Variants in VPS26C observed in about 807,000 individuals in gnomAD.
VPS26C encodes VPS26 endosomal protein sorting factor C, also known as vacuolar protein sorting-associated protein 26C.
VPS26C carries 19 observed loss-of-function variants against 30.6 expected under a neutral mutation model. That is an observed-to-expected ratio of 0.62 (90% CI 0.43 to 0.91). The LOEUF is 0.91. Among genes scored for constraint, VPS26C ranks in the 40% least tolerant of loss-of-function variants. VPS26C has a pLI of 0.00. For synonymous variants in VPS26C, 132 were observed against 151.5 expected (o/e 0.87, Z 0.95); for missense variants, 318 against 385.1 (o/e 0.83, Z 1.46).
At chr21:37,225,669 A>T (rs1396423259) in intron 7 of VPS26C, 43 bp from the exon 8 acceptor site, 6 of 1,546,508 alleles carry the variant, frequency 3.9e-6, no homozygotes, top group Non-Finnish European at 5.4e-6. Flanking sequence ...ACTGTTACCA[A>T]GCAGCGAAAC....
At chr21:37,252,706 A>C (rs2086205744) in intron 1 of VPS26C, among the ~76,000 whole-genome samples, 1 of 152,350 alleles carries the variant, frequency 6.6e-6, no homozygotes, top group South Asian at 2.1e-4. Context: ...AGATGAACAA[A>C]CTGTGATACA....
intron 3 of VPS26C, among the ~76,000 whole-genome samples, chr21:37,234,906 G>A (rs528150549): frequency 6.6e-6 from 1 of 152,068 alleles, no homozygotes; most frequent in East Asian, 1.9e-4. Context: ...GCGGTGGCGT[G>A]ATCTCGGTTC....
intron 2 of VPS26C, 81 bp downstream of exon 2, chr21:37,240,415 G>A: frequency 6.6e-7 from 1 of 1,517,994 alleles, no homozygotes; most frequent in Non-Finnish European, 9.0e-7. Flanking sequence ...CTGAGCCACT[G>A]CGCCTGGCCC....
At position 37,233,217 on chromosome 21, in the gene VPS26C, T is replaced by C. The variant is rs73220515; in HGVS notation, c.432+145A>G. ...CACACGTGATGCGCATGCCACCGACTGTCTCTGACCCAGAAGTCTTGTGTC... is the reference window on the plus strand; with the variant it reads ...CACACGTGATGCGCATGCCACCGACCGTCTCTGACCCAGAAGTCTTGTGTC... On this transcript the variant is annotated intron_variant, in intron 4 of 7. Coordinates refer to ENST00000309117, the MANE Select transcript of VPS26C (RefSeq NM_006052.2). The surrounding 1 kb of genome is among the most constrained non-coding windows in gnomAD (Gnocchi z 5.2). 6.6e-3 allele frequency: 4,544 copies of C among 689,806 alleles called. 21 individuals carry two copies. The highest frequency in any genetic ancestry group is 0.015 in the Middle Eastern group (52 of 3,538). 42.7% of individuals were successfully genotyped at this position (689,806 alleles called of 1,614,324 possible). A position where few individuals can be genotyped will look rare whatever the true frequency, so the allele number is the denominator to read the frequency against.
chr21:37,255,488 G>C (rs1010129185), intron 1 of VPS26C, among the ~76,000 whole-genome samples: 1 of 152,130 alleles, frequency 6.6e-6, no homozygotes, highest in Admixed American at 6.5e-5. Context: ...CCTGCCCAAC[G>C]GATCAGAGCA....
chr21:37,250,263 C>T (rs764060053), intron 1 of VPS26C, among the ~76,000 whole-genome samples: 3 of 151,692 alleles, frequency 2.0e-5, no homozygotes, highest in Non-Finnish European at 4.4e-5. Flanking sequence ...TGAGATCACG[C>T]CACTGCACTC....
At chr21:37,249,934 C>T (rs1036136385) in intron 1 of VPS26C, among the ~76,000 whole-genome samples, 23 of 152,126 alleles carry the variant, frequency 1.5e-4, no homozygotes, top group African/African-American at 5.3e-4. Flanking sequence ...ATAAAGGTAG[C>T]ATTTAAAATC....
chr21:37,235,853 A>G (rs199605796), intron 3 of VPS26C, among the ~76,000 whole-genome samples: 5,211 of 40,502 alleles, frequency 0.13, 231 homozygotes, highest in East Asian at 0.56. Context: ...ATGTGTGTGT[A>G]TATATATATA....
At chr21:37,263,350 TAAC>T (rs1236614556) in intron 1 of VPS26C, among the ~76,000 whole-genome samples, 2 of 152,194 alleles carry the variant, frequency 1.3e-5, no homozygotes, top group Non-Finnish European at 2.9e-5. Context: ...ACGAAATGAA[TAAC>T]AACATTTCTA....
At chr21:37,245,928 C>A (rs1052545205) in intron 1 of VPS26C, among the ~76,000 whole-genome samples, 2 of 151,948 alleles carry the variant, frequency 1.3e-5, no homozygotes, top group African/African-American at 4.8e-5. Flanking sequence ...CAAACCACCA[C>A]AGAAAATAAA....
Position 37,227,759 on chromosome 21 carries a change from G to C in VPS26C, c.706C>G (p.Gln236Glu). The C allele has an allele frequency of 1.2e-6, 2 of 1,614,090 alleles. No individual in the cohort carries two copies. The highest frequency in any genetic ancestry group is 1.1e-5 in the South Asian group (1 of 91,092). Residue 236 changes from glutamine to glutamate, a missense_variant, in exon 7 of 8, where the codon CAG becomes GAG. Physicochemically the swap from Gln to Glu is conservative, Grantham distance 29 (BLOSUM62 2). Coordinates refer to ENST00000309117, the MANE Select transcript of VPS26C (RefSeq NM_006052.2). ...CTGCACACATCCCCGTCGGCGATCT[G>C]AATGTTCTGAATCTCCGTGGCGTCG... ...ARDATEIQNI[Q>E]IADGDVCRGL...
chr21:37,265,216 G>T (rs1314727207), intron 1 of VPS26C, among the ~76,000 whole-genome samples: 2 of 152,148 alleles, frequency 1.3e-5, no homozygotes, highest in Non-Finnish European at 2.9e-5. Flanking sequence ...GGTGATGGGT[G>T]TGCAACTCTG....
chr21:37,228,580 A>G, intron 5 of VPS26C: 1 of 540,788 alleles, frequency 1.8e-6, no homozygotes, highest in East Asian at 3.3e-5. Flanking sequence ...TACATATGGC[A>G]CCTGACTGAC....
At chr21:37,248,755 A>G (rs996124025) in intron 1 of VPS26C, among the ~76,000 whole-genome samples, 1 of 151,616 alleles carries the variant, frequency 6.6e-6, no homozygotes, top group Non-Finnish European at 1.5e-5. Context: ...CAGCAAAATA[A>G]GACAAAAGTC....
rs1213236371 is a variant in VPS26C at position 37,257,535 on chromosome 21, A to AGTG, written c.57+9702_57+9703insCAC. Among the ~76,000 whole-genome samples the AGTG allele has an allele frequency of 2.0e-5, 3 of 152,228 alleles. No individual in the cohort carries two copies. The highest frequency in any genetic ancestry group is 7.2e-5 in the African/African-American group (3 of 41,454). ...TGGGGGTGTAGCCACATGCAGTAAAAGCACTGCCTGTCTGTATAACAACGA... is the reference window on the plus strand; with the variant it reads ...TGGGGGTGTAGCCACATGCAGTAAAAGTGGCACTGCCTGTCTGTATAACAACGA... On this transcript the variant is annotated intron_variant, in intron 1 of 7. Coordinates refer to ENST00000309117, the MANE Select transcript of VPS26C (RefSeq NM_006052.2). The surrounding 1 kb of genome is among the most constrained non-coding windows in gnomAD (Gnocchi z 4.2).
At position 37,228,216 on chromosome 21, in the gene VPS26C, C is replaced by T. The variant is rs369524149; in HGVS notation, c.658+7G>A. The T allele has an allele frequency of 1.2e-5, 20 of 1,609,464 alleles. No homozygotes were observed. The highest frequency in any genetic ancestry group is 3.6e-4 in the Middle Eastern group (2 of 5,500). ...GCAAGCGCCAGGCCTGGTGGCACGG[C>T]CCTCACCGCACGTCTCCACGCGCAC... On this transcript the variant is annotated splice_region_variant and intron_variant, in intron 6 of 7. Transcript: ENST00000309117.
intron 1 of VPS26C, among the ~76,000 whole-genome samples, chr21:37,255,804 T>G (rs571994000): frequency 6.7e-6 from 1 of 148,642 alleles, no homozygotes; most frequent in Non-Finnish European, 1.5e-5. Flanking sequence ...GCTTAAATGC[T>G]CCAGTAAATA....
intron 1 of VPS26C, among the ~76,000 whole-genome samples, chr21:37,259,219 C>T (rs917346579): frequency 6.7e-6 from 1 of 149,960 alleles, no homozygotes; most frequent in Non-Finnish European, 1.5e-5. Context: ...AAAAAAAAAA[C>T]AAAAAAACTA....
chr21:37,234,924 C>T (rs759317467), intron 3 of VPS26C, among the ~76,000 whole-genome samples: 1 of 151,542 alleles, frequency 6.6e-6, no homozygotes, highest in Non-Finnish European at 1.5e-5. Context: ...TTCACTGCAA[C>T]CTCCACCTCC....
Sources: allele counts gnomAD v4.1 joint callset (sites outside exome capture counted in the v4.1 genomes callset), GRCh38; gene constraint gnomAD v4.1.1; non-coding constraint Gnocchi (gnomAD v3.1); transcripts MANE v1.5; gene names NCBI Gene and HGNC (gene_info 2026-07-23, HGNC 2026-07-21).